The following CCNB2 variants were observed in gnomAD, a reference collection of about 807,000 sequenced individuals.
CCNB2 encodes G2/mitotic-specific cyclin-B2.
CCNB2 carries 39 observed loss-of-function variants against 51.1 expected under a neutral mutation model. That is an observed-to-expected ratio of 0.76 (90% CI 0.59 to 1.00). CCNB2 has a LOEUF of 1.00. CCNB2 is among the 50% of genes least tolerant of loss of function. The pLI is 0.00. For synonymous variants in CCNB2, 174 were observed against 165.5 expected, an observed-to-expected ratio of 1.05 and a Z score of -0.40; for missense variants, 472 against 470.3, an observed-to-expected ratio of 1.00 and a Z score of -0.03.
chr15:59,110,093 T>C lies in CCNB2; in HGVS notation c.267+2423T>C, dbSNP rs552201958. Among the ~76,000 whole-genome samples, 4 of 152,208 alleles carry C rather than the reference T, an allele frequency of 2.6e-5. No individual in the cohort carries two copies. The South Asian group carries it at 8.3e-4, about 32-fold the overall frequency. On this transcript the variant is annotated intron_variant, in intron 3 of 8. Transcript: ENST00000288207. Reference sequence around the variant, plus strand: ...AAGAAGAAAAGAAGGCTTTTTTTTTTCTTTTTTTAAAAGCAAAGACCATAA... The same window carrying C: ...AAGAAGAAAAGAAGGCTTTTTTTTTCCTTTTTTTAAAAGCAAAGACCATAA...
chr15:59,110,035 T>A (rs1326141686), intron 3 of CCNB2, among the ~76,000 whole-genome samples: 3 of 151,692 alleles, frequency 2.0e-5, no homozygotes, highest in Non-Finnish European at 4.4e-5. Context: ...TTCAAACTTT[T>A]ACCATGGGTA....
chr15:59,124,375 C>T (rs553479325), intron 8 of CCNB2: 5 of 219,776 alleles, frequency 2.3e-5, no homozygotes, highest in Admixed American at 2.1e-4. Context: ...CACTAGTTGC[C>T]ACCCTCTTTT....
chr15:59,114,296 A>G, intron 3 of CCNB2, 148 bp from the exon 4 acceptor site: 1 of 581,164 alleles, frequency 1.7e-6, no homozygotes, highest in Non-Finnish European at 3.0e-6. Context: ...CACATACTAT[A>G]TCTTGAATTA....
chr15:59,105,381 G>A (rs1247780086), intron 1 of CCNB2, 89 bp downstream of exon 1: 15 of 1,401,570 alleles, frequency 1.1e-5, no homozygotes, highest in Non-Finnish European at 1.3e-5. Context: ...GAGCTTCTCC[G>A]TCCCAACCGG....
At chr15:59,120,806 C>G (rs1159143455) in intron 7 of CCNB2, among the ~76,000 whole-genome samples, 1 of 152,186 alleles carries the variant, frequency 6.6e-6, no homozygotes, top group Non-Finnish European at 1.5e-5. Context: ...CTTATTAATT[C>G]TGTAACAAAA....
chr15:59,124,882 C>T lies in CCNB2; in HGVS notation c.*5C>T, dbSNP rs766846001. 1.3e-6 allele frequency: 2 copies of T among 1,542,982 alleles called. No homozygotes were observed. Among genetic ancestry groups the T allele is most frequent in the Admixed American group, 4.0e-5 (2 of 49,778 alleles). ...CCACTGATAGGAAGGTCCTAGGCTG[C>T]CGTGGCCCCTGGGGATGTGTGCTTC... is the stretch of plus-strand genomic sequence containing the variant. On this transcript the variant is annotated 3_prime_UTR_variant, in exon 9 of 9. Transcript: ENST00000288207.
At chr15:59,117,618 A>C (rs765975983) in intron 7 of CCNB2, among the ~76,000 whole-genome samples, 2 of 152,122 alleles carry the variant, frequency 1.3e-5, no homozygotes, top group African/African-American at 4.8e-5. Flanking sequence ...ACAGGCATGC[A>C]TGACCATGCC....
intron 4 of CCNB2, 28 bp downstream of exon 4, chr15:59,114,642 A>T: frequency 6.3e-7 from 1 of 1,586,988 alleles, no homozygotes; most frequent in African/African-American, 1.3e-5. Flanking sequence ...TTTTGGTTGT[A>T]TAAGCAATGT....
chr15:59,118,797 T>C (rs2140289893), intron 7 of CCNB2, among the ~76,000 whole-genome samples: 1 of 152,322 alleles, frequency 6.6e-6, no homozygotes, highest in Non-Finnish European at 1.5e-5. Context: ...ATCTCCTCCT[T>C]TTTCAGGAGG....
chr15:59,108,147 T>C (rs1418863480), intron 3 of CCNB2, among the ~76,000 whole-genome samples: 2 of 152,148 alleles, frequency 1.3e-5, no homozygotes, highest in Admixed American at 1.3e-4. Flanking sequence ...AAAGGGCACG[T>C]TTGTGGAGAA....
At position 59,116,940 on chromosome 15, in the gene CCNB2, G is replaced by A; in HGVS notation, c.834+14G>A. On this transcript the variant is annotated intron_variant, in intron 6 of 8. Coordinates refer to ENST00000288207, the MANE Select transcript of CCNB2 (RefSeq NM_004701.4). ...AAAGCCGGGGAGGTAAGTGCCTCCAGCTCTGTAAGAGACTATTTTTGCTTG... is the reference window on the plus strand; with the variant it reads ...AAAGCCGGGGAGGTAAGTGCCTCCAACTCTGTAAGAGACTATTTTTGCTTG... 6.3e-7 allele frequency: 1 copy of A among 1,586,296 alleles called. No homozygotes were observed. The highest frequency in any genetic ancestry group is 1.1e-5 in the South Asian group (1 of 90,278).
Position 59,121,480 on chromosome 15 carries a change from C to T in CCNB2, c.976-2037C>T, listed in dbSNP as rs199641221. 2.0e-5 allele frequency: 3 copies of T among 152,194 alleles called. No homozygotes were observed. In the East Asian group the frequency reaches 5.8e-4, roughly 29 times the overall value. The allele number at this position is 152,194 out of a possible 1,614,324, so 9.4% of individuals were successfully genotyped here. On this transcript the variant is annotated intron_variant, in intron 7 of 8. Transcript: ENST00000288207. The stretch of plus-strand genomic sequence containing the variant: ...TTCAGTTTTTACTCGTTTCCTCTTT[C>T]TTCCCTTCAAAGTATTTTAGGATTA...
rs548592835 is a variant in CCNB2 at position 59,115,278 on chromosome 15, G to C, written c.597+402G>C. Among the ~76,000 whole-genome samples, 199 of 152,238 alleles carry C rather than the reference G, an allele frequency of 1.3e-3. 1 individual carries two copies. Among genetic ancestry groups the C allele is most frequent in the Non-Finnish European group, 4.9e-4 (33 of 68,024 alleles). On this transcript the variant is annotated intron_variant, in intron 5 of 8. Transcript: ENST00000288207. ...AGTTTCCTCATCTGAAAAACGATGA[G>C]TTTGGCTGGAGAACCTCCACATTTC...
At chr15:59,114,168 G>T (rs2079268742) in intron 3 of CCNB2, among the ~76,000 whole-genome samples, 1 of 152,206 alleles carries the variant, frequency 6.6e-6, no homozygotes, top group African/African-American at 2.4e-5. Flanking sequence ...AGATGGGTCA[G>T]CGAGGGAACT....
At chr15:59,123,437 A>G (rs2079311656) in intron 7 of CCNB2, 80 bp from the exon 8 acceptor site, 1 of 784,264 alleles carries the variant, frequency 1.3e-6, no homozygotes, top group South Asian at 1.5e-5. Flanking sequence ...GTCATCATGT[A>G]CAAGATGTGT....
intron 5 of CCNB2, chr15:59,115,724 T>C (rs1222961039): frequency 6.6e-6 from 1 of 152,054 alleles, no homozygotes; most frequent in East Asian, 1.9e-4. Context: ...TTTAGGTAGG[T>C]TTCTTTATTT....
At chr15:59,116,546 G>C in intron 5 of CCNB2, 144 bp from the exon 6 acceptor site, 1 of 366,816 alleles carries the variant, frequency 2.7e-6, no homozygotes, top group South Asian at 2.8e-5. Flanking sequence ...GTCATGATCA[G>C]TGGTAGAACA....
In CCNB2 at chr15:59,105,309, A is replaced by T. The variant is rs755135656; in HGVS notation, c.24+17A>T. The stretch of plus-strand genomic sequence containing the variant: ...CGCCCGACGGTGAGTGTGCCCGGGG[A>T]CCGCTCTCAGAGGCGAGTCCGTCGG... On this transcript the variant is annotated intron_variant, in intron 1 of 8. Transcript: ENST00000288207. 2.6e-6 allele frequency: 4 copies of T among 1,555,564 alleles called. No individual in the cohort carries two copies. In the East Asian group the frequency reaches 9.5e-5, roughly 37 times the overall value.
intron 8 of CCNB2, 153 bp from the exon 9 acceptor site, chr15:59,124,614 T>C (rs1258442089): frequency 1.5e-6 from 1 of 653,098 alleles, no homozygotes; most frequent in Non-Finnish European, 2.7e-6. Context: ...AGGCACATGT[T>C]ATGAGCCCAG....
Sources: allele counts gnomAD v4.1 joint callset (sites outside exome capture counted in the v4.1 genomes callset), GRCh38; gene constraint gnomAD v4.1.1; transcripts MANE v1.5; gene names NCBI Gene and HGNC (gene_info 2026-07-23, HGNC 2026-07-21).